DHCR7: variants seen among roughly 807,000 people sequenced by gnomAD.
DHCR7 encodes 7-DHC reductase.
A neutral mutation model predicts 43.3 loss-of-function variants in DHCR7; 40 were observed. The observed-to-expected ratio is 0.92, with a 90% CI of 0.72 to 1.20. The LOEUF (loss-of-function observed/expected upper bound fraction) is 1.20, where lower values mean the gene tolerates loss of function less well. DHCR7 is among the 50% of genes most tolerant of loss of function. The probability of loss-of-function intolerance (pLI) is 0.00; values close to 1 mark genes in which losing one functional copy is unlikely to be tolerated. For synonymous variants in DHCR7, 298 were observed against 271.4 expected (o/e 1.10, Z -0.96); for missense variants, 608 against 644.6 (o/e 0.94, Z 0.62).
intron 3 of DHCR7, 69 bp downstream of exon 3, chr11:71,444,786 A>C: frequency 6.9e-7 from 1 of 1,440,930 alleles, no homozygotes; most frequent in South Asian, 1.1e-5. Flanking sequence ...GGTCCATACA[A>C]TTCCAAAGGC....
chr11:71,439,858 G>T (rs577323932), intron 6 of DHCR7, among the ~76,000 whole-genome samples: 1 of 152,288 alleles, frequency 6.6e-6, no homozygotes, highest in East Asian at 1.9e-4. Flanking sequence ...GGCCAGCCTC[G>T]TTATCTGATA....
chr11:71,429,051 T>G (rs1244936591), intron 2 of DHCR7, among the ~76,000 whole-genome samples: 2 of 152,220 alleles, frequency 1.3e-5, no homozygotes, highest in Non-Finnish European at 2.9e-5. Context: ...GCACTTCCAT[T>G]GCAGCTAAGT....
chr11:71,435,035 G>C lies in DHCR7; in HGVS notation c.*340C>G, dbSNP rs1949255973. 1.9e-6 allele frequency: 1 copy of C among 518,994 alleles called. No individual in the cohort carries two copies. 32.1% of individuals were successfully genotyped at this position (518,994 alleles called of 1,614,324 possible). A position where few individuals can be genotyped will look rare whatever the true frequency, so the allele number is the denominator to read the frequency against. On this transcript the variant is annotated 3_prime_UTR_variant, in exon 9 of 9. Transcript: ENST00000355527. ...GTGGGAAGACCTCCTGCTCACCAGTGTGGGCAGAGTGTAGCGTGGCCTGGG... is the reference window on the plus strand; with the variant it reads ...GTGGGAAGACCTCCTGCTCACCAGTCTGGGCAGAGTGTAGCGTGGCCTGGG...
intron 3 of DHCR7, among the ~76,000 whole-genome samples, chr11:71,444,431 C>T (rs945453205): frequency 3.3e-5 from 5 of 152,156 alleles, no homozygotes; most frequent in Non-Finnish European, 7.3e-5. Flanking sequence ...CTATCTGTGG[C>T]CCCCATGGAA....
downstream of DHCR7, among the ~76,000 whole-genome samples, chr11:71,427,428 G>C (rs915362380): frequency 1.3e-4 from 20 of 152,128 alleles, no homozygotes. Context: ...CACAGTAAAT[G>C]TTATTGAAAA....
chr11:71,432,251 A>C (rs1009132919), downstream of DHCR7, among the ~76,000 whole-genome samples: 1 of 152,250 alleles, frequency 6.6e-6, no homozygotes, highest in South Asian at 2.1e-4. Context: ...GTTTAGGAGA[A>C]CACTGGCTTC....
downstream of DHCR7, among the ~76,000 whole-genome samples, chr11:71,432,736 T>C (rs932011841): frequency 1.3e-4 from 20 of 151,982 alleles, no homozygotes; most frequent in Non-Finnish European, 2.2e-4. Flanking sequence ...ATTTGGCCTC[T>C]ACCAGTTGCT....
chr11:71,435,359 T>C lies in DHCR7; in HGVS notation c.*16A>G. On this transcript the variant is annotated 3_prime_UTR_variant, in exon 9 of 9. Coordinates refer to ENST00000355527, the MANE Select transcript of DHCR7 (RefSeq NM_001360.3). Reference sequence around the variant, plus strand: ...GCTCTTGACAGCCCCACAGGGCTTCTCCCTAGGGCGTGCCCTTAGAAGATT... The same window carrying C: ...GCTCTTGACAGCCCCACAGGGCTTCCCCCTAGGGCGTGCCCTTAGAAGATT... The C allele has an allele frequency of 6.2e-7, 1 of 1,610,036 alleles. No individual in the cohort carries two copies. Among genetic ancestry groups the C allele is most frequent in the Non-Finnish European group, 8.5e-7 (1 of 1,179,472 alleles).
At chr11:71,429,747 C>A (rs929925932), downstream of DHCR7, among the ~76,000 whole-genome samples, 3 of 152,128 alleles carry the variant, frequency 2.0e-5, no homozygotes, top group African/African-American at 7.2e-5. Context: ...CTTGGAGTCA[C>A]CAAGCCGTGG....
chr11:71,441,927 A>T (rs1591111887), intron 5 of DHCR7, among the ~76,000 whole-genome samples: 1 of 152,208 alleles, frequency 6.6e-6, no homozygotes, highest in East Asian at 1.9e-4. Context: ...AGGAATGAAC[A>T]GACAAGGTCT....
In DHCR7 at chr11:71,437,952, C is replaced by G; in HGVS notation, c.832-9G>C. 1.9e-6 allele frequency: 3 copies of G among 1,612,152 alleles called. No homozygotes were observed. The highest frequency in any genetic ancestry group is 2.5e-6 in the Non-Finnish European group (3 of 1,179,988). ...TCAATCACGTAGATGGCCTGCAAGA[C>G]AGAAGCAGCCGCTGACCACCCCCGG... is the stretch of plus-strand genomic sequence containing the variant. On this transcript the variant is annotated splice_polypyrimidine_tract_variant and intron_variant, in intron 7 of 8. Transcript: ENST00000355527.
intron 2 of DHCR7, among the ~76,000 whole-genome samples, chr11:71,446,701 G>A (rs1949407859): frequency 6.6e-6 from 1 of 152,222 alleles, no homozygotes; most frequent in Admixed American, 6.5e-5. Flanking sequence ...TTTTCCTTAT[G>A]CAGTGTGAGA....
At chr11:71,446,191 TA>T (rs1484746147) in intron 2 of DHCR7, among the ~76,000 whole-genome samples, 2 of 143,274 alleles carry the variant, frequency 1.4e-5, no homozygotes, top group Non-Finnish European at 3.0e-5. Flanking sequence ...AAATTATTGA[TA>T]TATGTGACAG....
Position 71,442,337 on chromosome 11 carries a change from GACGTGT to G in DHCR7, c.332_337del (p.Tyr111_Thr112del). On this transcript the variant is annotated inframe_deletion, in exon 5 of 9. Transcript: ENST00000355527. ...AAACTTATGGCAGAAGTCAGGGAGA[GACGTGT>G]ACAGAAGCACCTGAAACACACAAGC... is the stretch of plus-strand genomic sequence containing the variant. The G allele has an allele frequency of 6.2e-7, 1 of 1,613,856 alleles. No homozygotes were observed. Among genetic ancestry groups the G allele is most frequent in the Non-Finnish European group, 8.5e-7 (1 of 1,179,912 alleles).
At chr11:71,430,534 CCT>C (rs1949223001), downstream of DHCR7, among the ~76,000 whole-genome samples, 1 of 152,082 alleles carries the variant, frequency 6.6e-6, no homozygotes, top group Non-Finnish European at 1.5e-5. Context: ...TGTCCCCCTG[CCT>C]TGTCATGTGG....
In DHCR7 at chr11:71,435,650, C is replaced by T. The variant is rs750989470; in HGVS notation, c.1153G>A (p.Ala385Thr). 15 of 1,612,690 alleles carry T rather than the reference C, an allele frequency of 9.3e-6. No homozygotes were observed. Among genetic ancestry groups the T allele is most frequent in the African/African-American group, 5.3e-5 (4 of 74,946 alleles). Residue 385 changes from alanine to threonine, a missense_variant, in exon 9 of 9, where the codon GCC (alanine) becomes ACC (threonine). Transcript: ENST00000355527. Reference protein sequence around the residue: ...PKVIECSYTSADGQRHHSKLL... With the variant: ...PKVIECSYTSTDGQRHHSKLL... The stretch of plus-strand genomic sequence containing the variant: ...TTGCTGTGGTGCCTCTGCCCATCGG[C>T]GGATGTGTAGGAGCACTCGATGACC...
chr11:71,443,857 A>G (rs1398607373), intron 4 of DHCR7, 136 bp downstream of exon 4: 9 of 654,400 alleles, frequency 1.4e-5, no homozygotes, highest in Non-Finnish European at 2.3e-5. Context: ...AGTCCAGGGA[A>G]TGCCCTGCTG....
At chr11:71,439,208 A>C (rs1949323881) in intron 6 of DHCR7, 125 bp from the exon 7 acceptor site, 1 of 914,036 alleles carries the variant, frequency 1.1e-6, no homozygotes, top group Non-Finnish European at 1.7e-6. Context: ...CGGCGCAGGC[A>C]GAAGCTGGCC....
At chr11:71,440,264 T>C (rs934241430) in intron 6 of DHCR7, among the ~76,000 whole-genome samples, 3 of 152,098 alleles carry the variant, frequency 2.0e-5, no homozygotes, top group African/African-American at 7.2e-5. Flanking sequence ...CTGGATGAGA[T>C]GATGCATTCC....
Sources: allele counts gnomAD v4.1 joint callset (sites outside exome capture counted in the v4.1 genomes callset), GRCh38; gene constraint gnomAD v4.1.1; transcripts MANE v1.5; gene names NCBI Gene and HGNC (gene_info 2026-07-23, HGNC 2026-07-21).